ADK: variants seen among roughly 807,000 people sequenced by gnomAD.
ADK encodes the protein N6,N6-dimethyladenosine kinase.
In ADK, 24 loss-of-function variants were observed where a neutral mutation model predicts 44.7. The ratio of observed to expected loss-of-function variants is 0.54; its 90% CI spans 0.39 to 0.76. The LOEUF (loss-of-function observed/expected upper bound fraction) is 0.76, where lower values mean the gene tolerates loss of function less well. ADK is among the 30% of genes least tolerant of loss of function. ADK has a pLI of 0.00. For synonymous variants in ADK, 128 were observed against 142.6 expected (o/e 0.90, Z 0.73); for missense variants, 321 against 425.1 (o/e 0.76, Z 2.15).
At chr10:74,303,055 T>C (rs1434964514) in intron 3 of ADK, among the ~76,000 whole-genome samples, 1 of 151,918 alleles carries the variant, frequency 6.6e-6, no homozygotes, top group Non-Finnish European at 1.5e-5. Flanking sequence ...ATAATAAAGA[T>C]GCATCTTCAG....
At chr10:74,432,296 TCAGA>T (rs1845028757) in intron 6 of ADK, among the ~76,000 whole-genome samples, 1 of 152,204 alleles carries the variant, frequency 6.6e-6, no homozygotes, top group South Asian at 2.1e-4. Flanking sequence ...GTTAATATAT[TCAGA>T]CAGGCCATAT....
At position 74,496,751 on chromosome 10, in the gene ADK, G is replaced by A. The variant is rs756135286; in HGVS notation, c.556-28505G>A. 1.2e-4 allele frequency among the ~76,000 whole-genome samples: 18 copies of A among 152,128 alleles called. No homozygotes were observed. In the South Asian group the frequency reaches 1.5e-3, roughly 12 times the overall value. On this transcript the variant is annotated intron_variant, in intron 6 of 10. Transcript: ENST00000539909. ...CCCATAGTGCTAGGATTATAGGCGT[G>A]AACCACCATGCCTAGCCAGAAATAC...
chr10:74,682,222 A>G (rs1369737196), intron 10 of ADK, among the ~76,000 whole-genome samples: 1 of 152,234 alleles, frequency 6.6e-6, no homozygotes, highest in Non-Finnish European at 1.5e-5. Context: ...TCCGAAATTA[A>G]GATCATTTTT....
intron 4 of ADK, among the ~76,000 whole-genome samples, chr10:74,366,272 G>A (rs1842495998): frequency 6.6e-6 from 1 of 152,068 alleles, no homozygotes. Flanking sequence ...TACTAAAATA[G>A]TACGTCTTGA....
chr10:74,480,195 A>C (rs1847013323), intron 6 of ADK, among the ~76,000 whole-genome samples: 1 of 148,420 alleles, frequency 6.7e-6, no homozygotes, highest in Admixed American at 6.8e-5. Context: ...TTGAAGTCTA[A>C]GGCAGCCTAA....
intron 3 of ADK, among the ~76,000 whole-genome samples, chr10:74,283,812 C>G (rs1415374868): frequency 6.7e-6 from 1 of 148,458 alleles, no homozygotes; most frequent in Non-Finnish European, 1.5e-5. Flanking sequence ...TCCTGAGTAG[C>G]TGGGACTACA....
At chr10:74,430,061 C>T (rs559492871) in intron 6 of ADK, among the ~76,000 whole-genome samples, 11 of 152,246 alleles carry the variant, frequency 7.2e-5, no homozygotes, top group Admixed American at 3.9e-4. Context: ...AACAGAGGCA[C>T]GGAGGTGTTA....
chr10:74,457,638 C>T (rs757728431), intron 6 of ADK, among the ~76,000 whole-genome samples: 10 of 152,046 alleles, frequency 6.6e-5, no homozygotes, highest in Non-Finnish European at 7.3e-5. Flanking sequence ...CAGTGATAGA[C>T]GGGATAAAGA....
chr10:74,256,156 A>T (rs1255689039), intron 3 of ADK, among the ~76,000 whole-genome samples: 1 of 152,220 alleles, frequency 6.6e-6, no homozygotes, highest in Non-Finnish European at 1.5e-5. Context: ...GCCTGCGTGC[A>T]GCATATTTAT....
chr10:74,346,015 C>G (rs1175843668), intron 4 of ADK, among the ~76,000 whole-genome samples: 3 of 152,148 alleles, frequency 2.0e-5, no homozygotes, highest in Non-Finnish European at 2.9e-5. Context: ...GTGCCTCAGC[C>G]CCCTGAGTAA....
intron 7 of ADK, among the ~76,000 whole-genome samples, chr10:74,587,671 C>A (rs1441112622): frequency 2.0e-5 from 3 of 146,686 alleles, no homozygotes. Context: ...CTATTAATAT[C>A]TCTTGGCAAA....
At chr10:74,515,208 G>A (rs766848123) in intron 6 of ADK, among the ~76,000 whole-genome samples, 2 of 152,156 alleles carry the variant, frequency 1.3e-5, no homozygotes, top group Non-Finnish European at 2.9e-5. Context: ...ATACAGTTTT[G>A]TAGTCTCTGA....
At chr10:74,630,708 T>A (rs1448618740) in intron 9 of ADK, among the ~76,000 whole-genome samples, 3 of 152,202 alleles carry the variant, frequency 2.0e-5, no homozygotes, top group Non-Finnish European at 4.4e-5. Flanking sequence ...TTAGTATTTT[T>A]TCTTTCTTAT....
chr10:74,414,366 A>G (rs1241657068), intron 6 of ADK, among the ~76,000 whole-genome samples: 1 of 152,252 alleles, frequency 6.6e-6, no homozygotes, highest in Non-Finnish European at 1.5e-5. Context: ...AGTGAGTTAC[A>G]CAAATTATTT....
intron 4 of ADK, among the ~76,000 whole-genome samples, chr10:74,373,316 AAAT>A (rs1842726055): frequency 6.6e-6 from 1 of 152,186 alleles, no homozygotes; most frequent in Non-Finnish European, 1.5e-5. Context: ...AGAAAAGAAT[AAAT>A]AAATTAGATT....
intron 4 of ADK, among the ~76,000 whole-genome samples, chr10:74,335,470 A>G (rs545421823): frequency 8.5e-5 from 13 of 152,334 alleles, no homozygotes; most frequent in South Asian, 2.1e-4. Context: ...GTAGTTTTCT[A>G]TCATCGTGAT....
chr10:74,452,188 T>C (rs1845802978), intron 6 of ADK, among the ~76,000 whole-genome samples: 1 of 152,034 alleles, frequency 6.6e-6, no homozygotes, highest in African/African-American at 2.4e-5. Context: ...ATCTTTTAAA[T>C]AAATGAATTT....
intron 6 of ADK, among the ~76,000 whole-genome samples, chr10:74,402,018 T>C (rs953885987): frequency 5.9e-5 from 9 of 152,240 alleles, no homozygotes; most frequent in African/African-American, 2.2e-4. Context: ...TGGCTCGATA[T>C]GAATTTCTGG....
intron 8 of ADK, among the ~76,000 whole-genome samples, chr10:74,595,698 A>ACT (rs745377089): frequency 1 from 123,446 of 123,548 alleles, 61,674 homozygotes; most frequent in Middle Eastern, 1. Context: ...AACAGATTAA[A>ACT]AAAATAGGCT....
Sources: gnomAD v4.1 joint callset for allele counts (sites outside exome capture counted in the v4.1 genomes callset) on GRCh38, gnomAD v4.1.1 for gene constraint, MANE v1.5 for transcripts, NCBI Gene and HGNC (gene_info 2026-07-23, HGNC 2026-07-21) for gene names.